TRA2B: variants seen among roughly 807,000 people sequenced by gnomAD.
TRA2B encodes transformer-2 protein homolog beta.
In TRA2B, 14 loss-of-function variants were observed where a neutral mutation model predicts 41.7. That is an observed-to-expected ratio of 0.34 (90% CI 0.22 to 0.53). TRA2B has a LOEUF of 0.53. Among genes scored for constraint, TRA2B ranks in the 20% least tolerant of loss-of-function variants. The pLI, the probability that TRA2B is intolerant of heterozygous loss-of-function variation, is 0.95. For missense variants in TRA2B, 167 were observed against 396.8 expected, an observed-to-expected ratio of 0.42 and a Z score of 4.92; for synonymous variants, 130 against 128.8, an observed-to-expected ratio of 1.01 and a Z score of -0.06.
Position 185,918,453 on chromosome 3 carries a change from C to G in TRA2B, c.783-15G>C. On this transcript the variant is annotated splice_polypyrimidine_tract_variant and intron_variant, in intron 7 of 8. Coordinates refer to ENST00000453386, the MANE Select transcript of TRA2B (RefSeq NM_004593.3). ...GTGACCGCCTTCTATAAACAAATGT[C>G]AAGATTGTCTAAGTCTCAATAGATC... 1.3e-6 allele frequency: 2 copies of G among 1,592,236 alleles called. No individual in the cohort carries two copies. The highest frequency in any genetic ancestry group is 8.6e-7 in the Non-Finnish European group (1 of 1,160,702).
intron 1 of TRA2B, chr3:185,937,269 C>A: frequency 1.0e-6 from 1 of 986,516 alleles, no homozygotes; most frequent in Non-Finnish European, 1.2e-6. Context: ...TCCCAGACTC[C>A]GTCCTTTCCG....
chr3:185,934,860 C>T, intron 1 of TRA2B: 1 of 985,422 alleles, frequency 1.0e-6, no homozygotes, highest in Non-Finnish European at 1.2e-6. Flanking sequence ...GCAATCACAT[C>T]GGCTTTACAA....
chr3:185,937,136 G>C, intron 1 of TRA2B: 1 of 985,198 alleles, frequency 1.0e-6, no homozygotes, highest in Non-Finnish European at 1.2e-6. Flanking sequence ...AAGCCCTTTC[G>C]GCATCAGAGA....
At chr3:185,927,364 C>T (rs987531539) in intron 1 of TRA2B, 1 of 152,238 alleles carries the variant, frequency 6.6e-6, no homozygotes, top group Non-Finnish European at 1.5e-5. Context: ...CCCTAAAAAA[C>T]TGAAAGCAAC....
At chr3:185,936,010 A>G (rs1744338545) in intron 1 of TRA2B, 1 of 985,412 alleles carries the variant, frequency 1.0e-6, no homozygotes, top group Non-Finnish European at 1.2e-6. Context: ...GAAAATTTCA[A>G]ATTTCTCTTG....
chr3:185,931,372 A>ACTGCTGC (rs1744150497), intron 1 of TRA2B: 1 of 179,678 alleles, frequency 5.6e-6, no homozygotes, highest in Admixed American at 6.5e-5. Context: ...TGGAGAGCTC[A>ACTGCTGC]CTGCTGCCTG....
intron 1 of TRA2B, among the ~76,000 whole-genome samples, chr3:185,933,441 A>G (rs1744224514): frequency 6.6e-6 from 1 of 152,210 alleles, no homozygotes; most frequent in Admixed American, 6.5e-5. Context: ...GACCCTAGTT[A>G]GAAATAAACA....
Position 185,921,139 on chromosome 3 carries a change from G to T in TRA2B, c.687C>A (p.Gly229=), listed in dbSNP as rs755949060. The part of the protein sequence containing the change: ...RDYYDRGYDR[G]YDDRDYYSRS... ...TGCTATAGTAGTCCCGATCATCATA[G>T]CCCCGATCATATCCTCTGTCATAGT... The change falls in exon 6 of 9, where the codon GGC becomes GGA. Residue 229 remains glycine (G), a synonymous_variant. Transcript: ENST00000453386. The T allele has an allele frequency of 6.2e-7, 1 of 1,614,054 alleles. No homozygotes were observed. Among genetic ancestry groups the T allele is most frequent in the Non-Finnish European group, 8.5e-7 (1 of 1,180,014 alleles).
chr3:185,921,823 CTAAGAT>C (rs1440610595), intron 5 of TRA2B, among the ~76,000 whole-genome samples, 182 bp downstream of exon 5: 2 of 152,066 alleles, frequency 1.3e-5, no homozygotes, highest in African/African-American at 4.8e-5. Context: ...ATGGACTTGA[CTAAGAT>C]TTAGTTTTAC....
In TRA2B at chr3:185,937,969, A is replaced by C. The variant is rs1349956596; in HGVS notation, c.-109T>G. On this transcript the variant is annotated 5_prime_UTR_variant, in exon 1 of 9. Transcript: ENST00000453386. ...GCCCCGCACGACGCGCCGGTCGCCC[A>C]GCCGCTCAGAGCCGAAATGCTCCGC... 1.5e-6 allele frequency: 2 copies of C among 1,306,110 alleles called. No homozygotes were observed. The highest frequency in any genetic ancestry group is 1.9e-5 in the Admixed American group (1 of 52,566). The allele number at this position is 1,306,110 out of a possible 1,614,324, so 80.9% of individuals were successfully genotyped here.
intron 1 of TRA2B, chr3:185,934,835 T>G: frequency 1.0e-5 from 10 of 985,452 alleles, no homozygotes; most frequent in Non-Finnish European, 1.1e-5. Context: ...ATGATAAAGA[T>G]TACGTGCCTA....
At chr3:185,935,311 G>C in intron 1 of TRA2B, 5 of 985,270 alleles carry the variant, frequency 5.1e-6, no homozygotes, top group Non-Finnish European at 6.0e-6. Context: ...GACCCCTATA[G>C]ACAGATTTTA....
intron 1 of TRA2B, chr3:185,927,139 C>G (rs1001700398): frequency 1.3e-5 from 2 of 152,428 alleles, no homozygotes; most frequent in African/African-American, 4.8e-5. Flanking sequence ...AAACAAAATC[C>G]TATATAATTT....
At chr3:185,936,348 G>T in intron 1 of TRA2B, 1 of 985,238 alleles carries the variant, frequency 1.0e-6, no homozygotes, top group Non-Finnish European at 1.2e-6. Context: ...ACCCAAGAAA[G>T]CAAGAACTTA....
chr3:185,924,389 T>C (rs1743863278), intron 3 of TRA2B: 1 of 162,998 alleles, frequency 6.1e-6, no homozygotes, highest in South Asian at 1.7e-4. Flanking sequence ...ATGCTCTGAA[T>C]TGCCAAAAAG....
intron 1 of TRA2B, chr3:185,934,800 G>A (rs1476487944): frequency 1.0e-6 from 1 of 985,314 alleles, no homozygotes; most frequent in Non-Finnish European, 1.2e-6. Flanking sequence ...ATGGGTTGGT[G>A]TCCAGATGCT....
chr3:185,932,423 A>T (rs1029048000), intron 1 of TRA2B, among the ~76,000 whole-genome samples: 1 of 152,194 alleles, frequency 6.6e-6, no homozygotes, highest in African/African-American at 2.4e-5. Flanking sequence ...GCTTAAGTGT[A>T]ACCCACCCCC....
chr3:185,921,911 T>C, intron 5 of TRA2B, 100 bp downstream of exon 5: 2 of 770,024 alleles, frequency 2.6e-6, no homozygotes, highest in Non-Finnish European at 4.1e-6. Flanking sequence ...ACAGTCAAGT[T>C]TATGGCACAA....
chr3:185,928,475 C>T (rs1744034130), intron 1 of TRA2B: 1 of 152,164 alleles, frequency 6.6e-6, no homozygotes, highest in South Asian at 2.1e-4. Context: ...TGTAGTGATG[C>T]TCTGGGGCTT....
Sources: allele counts gnomAD v4.1 joint callset (sites outside exome capture counted in the v4.1 genomes callset), GRCh38; gene constraint gnomAD v4.1.1; transcripts MANE v1.5; gene names NCBI Gene and HGNC (gene_info 2026-07-23, HGNC 2026-07-21).